FGF12: variants seen among roughly 807,000 people sequenced by gnomAD.
FGF12 encodes fibroblast growth factor 12, also known as fibroblast growth factor 12B.
In FGF12, 14 loss-of-function variants were observed where a neutral mutation model predicts 23.6. The observed-to-expected ratio is 0.59, with a 90% confidence interval of 0.39 to 0.93. FGF12 has a LOEUF of 0.93. FGF12 is among the 40% of genes least tolerant of loss of function. FGF12 has a pLI of 0.00. For synonymous variants in FGF12, 62 were observed against 77.3 expected (o/e 0.80, Z 1.04); for missense variants, 175 against 217.8 (o/e 0.80, Z 1.24).
chr3:192,670,705 A>C lies in FGF12; in HGVS notation c.13+56476T>G, dbSNP rs1206011132. Among the ~76,000 whole-genome samples, 3 of 152,294 alleles carry C rather than the reference A, an allele frequency of 2.0e-5. No individual in the cohort carries two copies. The East Asian group carries it at 5.8e-4, about 29-fold the overall frequency. On this transcript the variant is annotated intron_variant, in intron 2 of 5. Coordinates refer to ENST00000445105, the MANE Select transcript of FGF12 (RefSeq NM_004113.6). ...CACAAACAGTTAAAGCACTGAATAA[A>C]TGTTTATAGAGTCCCTTACCTTCAA...
chr3:192,261,385 G>C (rs1316713421), intron 4 of FGF12, among the ~76,000 whole-genome samples: 1 of 152,244 alleles, frequency 6.6e-6, no homozygotes, highest in Admixed American at 6.5e-5. Context: ...GGTAGTAAGA[G>C]ACTCTAAGAG....
At chr3:192,581,486 G>GTATATATA (rs71298511) in intron 2 of FGF12, among the ~76,000 whole-genome samples, 11 of 144,628 alleles carry the variant, frequency 7.6e-5, no homozygotes, top group Middle Eastern at 3.6e-3. Flanking sequence ...GTGTGTGTGT[G>GTATATATA]TATATATATA....
At chr3:192,208,241 T>C (rs1185857619) in intron 4 of FGF12, among the ~76,000 whole-genome samples, 1 of 152,266 alleles carries the variant, frequency 6.6e-6, no homozygotes, top group Non-Finnish European at 1.5e-5. Flanking sequence ...ATGTGATTTA[T>C]AGAAACTAGA....
Position 192,464,499 on chromosome 3 carries a change from GGTGTGTGTGTGTGTGT to G in FGF12, c.14-103977_14-103962del, listed in dbSNP as rs34803297. ...TTTTTAGGGCTGAGTAGTATTCCAT[GGTGTGTGTGTGTGTGT>G]GTGTGTGTGTGTGTGTGTGTGTGTG... On this transcript the variant is annotated intron_variant, in intron 2 of 5. Coordinates refer to ENST00000445105, the MANE Select transcript of FGF12 (RefSeq NM_004113.6). Among the ~76,000 whole-genome samples, 990 of 132,674 alleles carry G rather than the reference GGTGTGTGTGTGTGTGT, an allele frequency of 7.5e-3. 4 individuals are homozygous for G. The highest frequency in any genetic ancestry group is 9.7e-3 in the Non-Finnish European group (596 of 61,556). 87.0% of individuals were successfully genotyped at this position (132,674 alleles called of 152,430 possible).
At chr3:192,695,915 A>G (rs959325892) in intron 2 of FGF12, among the ~76,000 whole-genome samples, 12 of 152,174 alleles carry the variant, frequency 7.9e-5, no homozygotes, top group Non-Finnish European at 1.5e-4. Flanking sequence ...CCTGGCCAAC[A>G]TGGTGAAACC....
At chr3:192,390,052 T>G (rs140562235) in intron 2 of FGF12, among the ~76,000 whole-genome samples, 5 of 152,338 alleles carry the variant, frequency 3.3e-5, no homozygotes, top group African/African-American at 1.2e-4. Flanking sequence ...GTCCATGGGT[T>G]TTCCTTCCTT....
At chr3:192,185,881 G>A (rs1262274467) in intron 4 of FGF12, among the ~76,000 whole-genome samples, 1 of 151,080 alleles carries the variant, frequency 6.6e-6, no homozygotes, top group African/African-American at 2.4e-5. Flanking sequence ...AAGTTACAGC[G>A]AATAATTAAT....
chr3:192,323,902 G>A (rs751294187), intron 4 of FGF12, among the ~76,000 whole-genome samples: 17 of 151,892 alleles, frequency 1.1e-4, no homozygotes, highest in Non-Finnish European at 1.8e-4. Flanking sequence ...ACCAGCCTGC[G>A]CAACACAGTG....
At chr3:192,422,540 A>C (rs144906394) in intron 2 of FGF12, among the ~76,000 whole-genome samples, 162 of 152,308 alleles carry the variant, frequency 1.1e-3, no homozygotes, top group African/African-American at 3.7e-3. Context: ...CTGACTCATT[A>C]ATCTTGTGCC....
intron 2 of FGF12, among the ~76,000 whole-genome samples, chr3:192,379,186 T>A (rs1719706700): frequency 6.6e-6 from 1 of 152,252 alleles, no homozygotes; most frequent in Non-Finnish European, 1.5e-5. Context: ...TGTATGACTT[T>A]GCTATTGTGA....
intron 2 of FGF12, among the ~76,000 whole-genome samples, chr3:192,469,282 C>T (rs1723103107): frequency 6.6e-6 from 1 of 152,146 alleles, no homozygotes; most frequent in South Asian, 2.1e-4. Context: ...AACAGAGTGC[C>T]TCTGTTTCTA....
intron 2 of FGF12, among the ~76,000 whole-genome samples, chr3:192,643,088 T>G (rs1715866598): frequency 6.6e-6 from 1 of 152,238 alleles, no homozygotes; most frequent in South Asian, 2.1e-4. Flanking sequence ...TGCACATAGC[T>G]GGCAGACATG....
At chr3:192,346,840 G>C (rs1478771252) in intron 3 of FGF12, among the ~76,000 whole-genome samples, 1 of 152,036 alleles carries the variant, frequency 6.6e-6, no homozygotes, top group African/African-American at 2.4e-5. Context: ...TCCCACTTGA[G>C]GGCCTCCTTT....
intron 4 of FGF12, among the ~76,000 whole-genome samples, chr3:192,327,019 A>G (rs1233033710): frequency 5.3e-5 from 8 of 152,184 alleles, no homozygotes; most frequent in South Asian, 4.1e-4. Context: ...CAAGAGCAGT[A>G]TGGTATTATG....
intron 3 of FGF12, among the ~76,000 whole-genome samples, chr3:192,349,099 C>T (rs1343936188): frequency 6.6e-6 from 1 of 152,062 alleles, no homozygotes; most frequent in African/African-American, 2.4e-5. Context: ...TATGAGTATA[C>T]ATTTATAATT....
intron 4 of FGF12, among the ~76,000 whole-genome samples, chr3:192,235,811 T>G (rs2108589370): frequency 6.6e-6 from 1 of 152,256 alleles, no homozygotes; most frequent in African/African-American, 2.4e-5. Context: ...AGAACCAGCT[T>G]TTGGGCTTGT....
At chr3:192,483,987 T>C (rs1723553209) in intron 2 of FGF12, among the ~76,000 whole-genome samples, 1 of 152,146 alleles carries the variant, frequency 6.6e-6, no homozygotes, top group Non-Finnish European at 1.5e-5. Flanking sequence ...GTTAATTATA[T>C]GTGACTGATC....
chr3:192,472,773 A>C (rs1333193455), intron 2 of FGF12, among the ~76,000 whole-genome samples: 3 of 152,014 alleles, frequency 2.0e-5, no homozygotes, highest in African/African-American at 7.2e-5. Flanking sequence ...ACCTCCTCCC[A>C]CTACTTGCCC....
chr3:192,509,287 G>T (rs900898822), intron 2 of FGF12, among the ~76,000 whole-genome samples: 1 of 152,206 alleles, frequency 6.6e-6, no homozygotes, highest in Admixed American at 6.5e-5. Context: ...TGGCCCATGA[G>T]CCAGATGGGA....
Sources: gnomAD v4.1 joint callset for allele counts (sites outside exome capture counted in the v4.1 genomes callset) on GRCh38, gnomAD v4.1.1 for gene constraint, MANE v1.5 for transcripts, NCBI Gene and HGNC (gene_info 2026-07-23, HGNC 2026-07-21) for gene names.